Variants in ZBTB20 observed in about 807,000 individuals in gnomAD.
ZBTB20 encodes the protein zinc finger and BTB domain containing 20.
In ZBTB20, 9 loss-of-function variants were observed where a neutral mutation model predicts 56.9. The ratio of observed to expected loss-of-function variants is 0.16; its 90% CI spans 0.10 to 0.28. ZBTB20 has a LOEUF of 0.28. ZBTB20 is among the 10% of genes least tolerant of loss of function. The probability of loss-of-function intolerance (pLI) is 1.00; values close to 1 mark genes in which losing one functional copy is unlikely to be tolerated. For missense variants in ZBTB20, 655 were observed against 1,003.0 expected, an observed-to-expected ratio of 0.65 and a Z score of 4.69; for synonymous variants, 417 against 420.7, an observed-to-expected ratio of 0.99 and a Z score of 0.11.
At chr3:114,980,055 C>T (rs944666480) in intron 2 of ZBTB20, among the ~76,000 whole-genome samples, 1 of 152,090 alleles carries the variant, frequency 6.6e-6, no homozygotes, top group East Asian at 1.9e-4. Context: ...GGAAAAAGTA[C>T]AGAAAGATTA....
chr3:114,925,852 T>C (rs1576342348), intron 3 of ZBTB20, among the ~76,000 whole-genome samples: 1 of 152,174 alleles, frequency 6.6e-6, no homozygotes, highest in Admixed American at 6.5e-5. Context: ...TTAGACATCG[T>C]CAATGTTAAT....
At chr3:115,043,347 T>A (rs2081215336) in intron 2 of ZBTB20, among the ~76,000 whole-genome samples, 1 of 151,112 alleles carries the variant, frequency 6.6e-6, no homozygotes, top group Non-Finnish European at 1.5e-5. Context: ...TCACTTGAGG[T>A]CAGGAGTTTG....
intron 6 of ZBTB20, among the ~76,000 whole-genome samples, chr3:114,563,031 T>C (rs1380298563): frequency 6.6e-6 from 1 of 151,954 alleles, no homozygotes; most frequent in African/African-American, 2.4e-5. Context: ...GCACATGCTG[T>C]TGGAAAAAAT....
intron 2 of ZBTB20, among the ~76,000 whole-genome samples, chr3:115,037,864 T>C (rs2080990912): frequency 6.6e-6 from 1 of 152,204 alleles, no homozygotes; most frequent in Non-Finnish European, 1.5e-5. Context: ...CTTTAAATCT[T>C]GCCTTATTTT....
chr3:114,789,356 A>C (rs1418236899), intron 5 of ZBTB20, among the ~76,000 whole-genome samples: 1 of 152,200 alleles, frequency 6.6e-6, no homozygotes, highest in Admixed American at 6.6e-5. Flanking sequence ...ATTTGACTTC[A>C]CTGAATTGAA....
intron 6 of ZBTB20, among the ~76,000 whole-genome samples, chr3:114,677,556 A>T (rs1365337968): frequency 6.6e-6 from 1 of 152,140 alleles, no homozygotes; most frequent in African/African-American, 2.4e-5. Flanking sequence ...TTTCATCCTG[A>T]AACCATCCCC....
chr3:114,615,138 A>C (rs894069890), intron 6 of ZBTB20, among the ~76,000 whole-genome samples: 3 of 152,230 alleles, frequency 2.0e-5, no homozygotes, highest in Non-Finnish European at 2.9e-5. Context: ...TTACAAACTA[A>C]GGAGAAACAT....
At chr3:114,762,999 C>T (rs951217143) in intron 5 of ZBTB20, among the ~76,000 whole-genome samples, 1 of 152,146 alleles carries the variant, frequency 6.6e-6, no homozygotes, top group African/African-American at 2.4e-5. Flanking sequence ...ATTTCACATA[C>T]ATTCTAATTC....
intron 6 of ZBTB20, among the ~76,000 whole-genome samples, chr3:114,582,623 G>T (rs1232244132): frequency 6.6e-6 from 1 of 152,090 alleles, no homozygotes; most frequent in African/African-American, 2.4e-5. Context: ...CAAGTGATCT[G>T]CCCACTTTGG....
At chr3:114,372,142 C>T (rs573204073) in intron 10 of ZBTB20, among the ~76,000 whole-genome samples, 80 of 152,136 alleles carry the variant, frequency 5.3e-4, no homozygotes, top group Non-Finnish European at 9.4e-4. Flanking sequence ...TGTGAGAAGT[C>T]TTGACAGATA....
At chr3:114,981,115 T>C (rs996987119) in intron 2 of ZBTB20, among the ~76,000 whole-genome samples, 11 of 152,034 alleles carry the variant, frequency 7.2e-5, no homozygotes, top group Admixed American at 1.3e-4. Context: ...TCTAGAAAAG[T>C]GCATATGATC....
chr3:115,141,703 T>C (rs572315394), intron 1 of ZBTB20, among the ~76,000 whole-genome samples: 1 of 152,288 alleles, frequency 6.6e-6, no homozygotes, highest in Admixed American at 6.5e-5. Flanking sequence ...TTAAAACCTT[T>C]CTTTGTCTCT....
At chr3:114,607,122 G>A (rs73224524) in intron 6 of ZBTB20, among the ~76,000 whole-genome samples, 20,503 of 111,638 alleles carry the variant, frequency 0.18, 1,779 homozygotes, top group African/African-American at 0.32. Context: ...ATAAATAAAT[G>A]AATAAATTCT....
At chr3:114,954,366 G>A (rs2077175131) in intron 3 of ZBTB20, among the ~76,000 whole-genome samples, 2 of 152,048 alleles carry the variant, frequency 1.3e-5, no homozygotes, top group Admixed American at 1.3e-4. Flanking sequence ...TAAGGTGGTA[G>A]GTAGGTAGCT....
At chr3:115,052,371 C>T (rs959815481) in intron 2 of ZBTB20, among the ~76,000 whole-genome samples, 6 of 151,796 alleles carry the variant, frequency 4.0e-5, no homozygotes, top group Non-Finnish European at 7.4e-5. Context: ...GCAGGAGAAT[C>T]GCTAGAACCA....
At chr3:114,374,249 A>G (rs776223832) in intron 10 of ZBTB20, among the ~76,000 whole-genome samples, 17 of 152,244 alleles carry the variant, frequency 1.1e-4, no homozygotes, top group Non-Finnish European at 2.2e-4. Context: ...GAAATGACAG[A>G]AAAACAGTTT....
Position 114,336,487 on chromosome 3 carries a change from C to G in ZBTB20, c.*2518G>C, listed in dbSNP as rs896526025. ...CTCTTAGAAATCACAATAGGTTACACTTAATAGTCAGTTAACCACCCAAGT... is the reference window on the plus strand; with the variant it reads ...CTCTTAGAAATCACAATAGGTTACAGTTAATAGTCAGTTAACCACCCAAGT... On this transcript the variant is annotated 3_prime_UTR_variant, in exon 12 of 12. Coordinates refer to ENST00000675478, the MANE Select transcript of ZBTB20 (RefSeq NM_001348800.3). 6.6e-5 allele frequency: 10 copies of G among 152,162 alleles called. No individual in the cohort carries two copies. Among genetic ancestry groups the G allele is most frequent in the Non-Finnish European group, 1.5e-4 (10 of 68,026 alleles). 9.4% of individuals were successfully genotyped at this position (152,162 alleles called of 1,614,324 possible). A position where few individuals can be genotyped will look rare whatever the true frequency, so the allele number is the denominator to read the frequency against.
chr3:115,022,778 G>C (rs949159307), intron 2 of ZBTB20, among the ~76,000 whole-genome samples: 1 of 150,966 alleles, frequency 6.6e-6, no homozygotes, highest in African/African-American at 2.4e-5. Context: ...GTTTTGTGCA[G>C]TTTCTAAAGG....
chr3:114,551,986 G>GA (rs2050645674), intron 6 of ZBTB20, among the ~76,000 whole-genome samples: 1 of 152,218 alleles, frequency 6.6e-6, no homozygotes, highest in African/African-American at 2.4e-5. Context: ...CATGTGGGGG[G>GA]ATCACTTGAG....
Sources: gnomAD v4.1 joint callset for allele counts (sites outside exome capture counted in the v4.1 genomes callset) on GRCh38, gnomAD v4.1.1 for gene constraint, MANE v1.5 for transcripts, NCBI Gene and HGNC (gene_info 2026-07-23, HGNC 2026-07-21) for gene names.